The following CLSTN2 variants were observed in gnomAD, a reference collection of about 807,000 sequenced individuals.
CLSTN2 encodes calsyntenin-2.
CLSTN2 carries 48 observed loss-of-function variants against 101.2 expected under a neutral mutation model. The observed-to-expected ratio is 0.47, with a 90% CI of 0.38 to 0.60. CLSTN2 has a LOEUF of 0.60. Among genes scored for constraint, CLSTN2 ranks in the 20% least tolerant of loss-of-function variants. The probability of loss-of-function intolerance (pLI) is 0.00; values close to 1 mark genes in which losing one functional copy is unlikely to be tolerated. For missense variants in CLSTN2, 1,160 were observed against 1,238.2 expected (o/e 0.94, Z 0.95); for synonymous variants, 481 against 463.6 (o/e 1.04, Z -0.48).
chr3:140,250,194 C>T (rs2107874884), intron 2 of CLSTN2, among the ~76,000 whole-genome samples: 1 of 152,262 alleles, frequency 6.6e-6, no homozygotes. Context: ...GCAAATGTGT[C>T]CTGAGGGATT....
At position 140,445,983 on chromosome 3, in the gene CLSTN2, G is replaced by A. The variant is rs17348041; in HGVS notation, c.788-2536G>A. Among the ~76,000 whole-genome samples, 9 of 150,074 alleles carry A rather than the reference G, an allele frequency of 6.0e-5. No homozygotes were observed. In the South Asian group the frequency reaches 8.4e-4, roughly 14 times the overall value. ...CATCTACCTAGACTGGAGAAATCCC[G>A]GAAGGACACATGGAGGAGGTGGCAA... On this transcript the variant is annotated intron_variant, in intron 5 of 16. Transcript: ENST00000458420.
intron 4 of CLSTN2, among the ~76,000 whole-genome samples, chr3:140,419,452 C>T: frequency 7.8e-6 from 1 of 128,560 alleles, no homozygotes. Context: ...CACTGAACTC[C>T]AGCCTGGGTG....
At chr3:140,090,398 CA>C (rs780144953) in intron 1 of CLSTN2, among the ~76,000 whole-genome samples, 4 of 151,974 alleles carry the variant, frequency 2.6e-5, no homozygotes, top group Admixed American at 1.3e-4. Context: ...CCTTGACTTC[CA>C]AAGCACTGGG....
At chr3:140,393,346 G>T (rs2088140998) in intron 2 of CLSTN2, among the ~76,000 whole-genome samples, 1 of 152,134 alleles carries the variant, frequency 6.6e-6, no homozygotes, top group Non-Finnish European at 1.5e-5. Context: ...TCTTCCTCTG[G>T]TTAATTGAGG....
At chr3:140,058,500 A>G (rs1309617576) in intron 1 of CLSTN2, among the ~76,000 whole-genome samples, 1 of 152,196 alleles carries the variant, frequency 6.6e-6, no homozygotes, top group Non-Finnish European at 1.5e-5. Flanking sequence ...GGAGATCTTC[A>G]TGGTGAAAGC....
Position 140,144,127 on chromosome 3 carries a change from G to A in CLSTN2, c.110-31824G>A, listed in dbSNP as rs558565053. Among the ~76,000 whole-genome samples, 4 of 152,324 alleles carry A rather than the reference G, an allele frequency of 2.6e-5. No individual in the cohort carries two copies. In the South Asian group the frequency reaches 8.3e-4, roughly 32 times the overall value. On this transcript the variant is annotated intron_variant, in intron 1 of 16. Transcript: ENST00000458420. ...AAACTCAGTCAAGTTGAAGATTAGGGAATTGGATGTTTGTCAACAGGAATT... is the reference window on the plus strand; with the variant it reads ...AAACTCAGTCAAGTTGAAGATTAGGAAATTGGATGTTTGTCAACAGGAATT...
chr3:140,057,806 T>G (rs896153366), intron 1 of CLSTN2, among the ~76,000 whole-genome samples: 1 of 152,200 alleles, frequency 6.6e-6, no homozygotes, highest in Non-Finnish European at 1.5e-5. Context: ...CACAACTAAT[T>G]ATCAGAATCT....
intron 2 of CLSTN2, among the ~76,000 whole-genome samples, chr3:140,303,518 C>G (rs886075793): frequency 6.6e-6 from 1 of 151,832 alleles, no homozygotes; most frequent in Non-Finnish European, 1.5e-5. Context: ...GTTTTTTTTC[C>G]AAGCATAATT....
chr3:140,300,925 A>C (rs1319593259), intron 2 of CLSTN2, among the ~76,000 whole-genome samples: 1 of 152,098 alleles, frequency 6.6e-6, no homozygotes, highest in Non-Finnish European at 1.5e-5. Context: ...CCAGGGTATA[A>C]TTGTAATCCA....
chr3:140,465,417 T>C (rs1447223600), intron 7 of CLSTN2, among the ~76,000 whole-genome samples: 1 of 152,184 alleles, frequency 6.6e-6, no homozygotes, highest in Non-Finnish European at 1.5e-5. Context: ...AAAGTGCTCA[T>C]ATCACTGGCT....
At chr3:140,530,199 C>T (rs1470344381) in intron 8 of CLSTN2, among the ~76,000 whole-genome samples, 2 of 152,098 alleles carry the variant, frequency 1.3e-5, no homozygotes, top group Non-Finnish European at 2.9e-5. Flanking sequence ...TAGTATATAG[C>T]CATATTACAC....
chr3:140,438,670 A>T (rs994925507), intron 5 of CLSTN2, among the ~76,000 whole-genome samples: 1 of 152,066 alleles, frequency 6.6e-6, no homozygotes, highest in Admixed American at 6.5e-5. Flanking sequence ...CAAGAGATTA[A>T]AAAAAATTGC....
intron 6 of CLSTN2, among the ~76,000 whole-genome samples, chr3:140,454,000 C>G (rs974263743): frequency 6.6e-6 from 1 of 152,218 alleles, no homozygotes; most frequent in Non-Finnish European, 1.5e-5. Context: ...CCCAGCATGA[C>G]AGTGTCAGTC....
At chr3:140,098,211 C>T (rs1305427619) in intron 1 of CLSTN2, among the ~76,000 whole-genome samples, 2 of 152,172 alleles carry the variant, frequency 1.3e-5, no homozygotes, top group African/African-American at 4.8e-5. Context: ...TATCACAACT[C>T]AGGTGGATAC....
At chr3:140,048,977 A>G (rs537950634) in intron 1 of CLSTN2, among the ~76,000 whole-genome samples, 104 of 152,274 alleles carry the variant, frequency 6.8e-4, no homozygotes, top group African/African-American at 9.4e-4. Flanking sequence ...GGTGGCCCCA[A>G]TGAGCACCTG....
intron 2 of CLSTN2, among the ~76,000 whole-genome samples, chr3:140,208,119 C>T (rs115566298): frequency 2.8e-3 from 422 of 151,922 alleles, no homozygotes; most frequent in African/African-American, 9.1e-3. Context: ...TTGTCTAATC[C>T]ATTCATGTTT....
chr3:140,379,348 G>T (rs2087954460), intron 2 of CLSTN2, among the ~76,000 whole-genome samples: 1 of 152,182 alleles, frequency 6.6e-6, no homozygotes, highest in Non-Finnish European at 1.5e-5. Context: ...TGATCCAGGG[G>T]AGGTCACAGT....
At chr3:140,387,903 C>T (rs2088070762) in intron 2 of CLSTN2, among the ~76,000 whole-genome samples, 1 of 152,132 alleles carries the variant, frequency 6.6e-6, no homozygotes, top group Non-Finnish European at 1.5e-5. Context: ...TGTTTCTGGC[C>T]AGTATAACAC....
At chr3:140,222,423 G>A (rs554912955) in intron 2 of CLSTN2, among the ~76,000 whole-genome samples, 10 of 151,764 alleles carry the variant, frequency 6.6e-5, no homozygotes, top group Admixed American at 1.3e-4. Context: ...AGCACAACAG[G>A]GTGAGTATAG....
Sources: gnomAD v4.1 joint callset for allele counts (sites outside exome capture counted in the v4.1 genomes callset) on GRCh38, gnomAD v4.1.1 for gene constraint, MANE v1.5 for transcripts, NCBI Gene and HGNC (gene_info 2026-07-23, HGNC 2026-07-21) for gene names.